Variants in USP24 observed in about 807,000 individuals in gnomAD.
USP24 encodes the protein ubiquitin carboxyl-terminal hydrolase 24.
In USP24, 97 loss-of-function variants were observed where a neutral mutation model predicts 361.6. The ratio of observed to expected loss-of-function variants is 0.27; its 90% CI spans 0.23 to 0.32. The LOEUF is 0.32. USP24 is among the 10% of genes least tolerant of loss of function. The pLI, the probability that USP24 is intolerant of heterozygous loss-of-function variation, is 1.00. For missense variants in USP24, 2,353 were observed against 3,165.6 expected, an observed-to-expected ratio of 0.74 and a Z score of 6.16; for synonymous variants, 1,098 against 1,124.6, an observed-to-expected ratio of 0.98 and a Z score of 0.47.
intron 1 of USP24, among the ~76,000 whole-genome samples, chr1:55,209,522 T>C (rs1644799595): frequency 1.3e-5 from 2 of 152,224 alleles, no homozygotes; most frequent in South Asian, 2.1e-4. Flanking sequence ...CTTCTCACTA[T>C]TGTCAAATGA....
At position 55,152,814 on chromosome 1, in the gene USP24, A is replaced by G. The variant is rs371964631; in HGVS notation, c.1860+1056T>C. ...GGTCACATTTCAGTGTCAGAAATAT[A>G]AAACACAAAGTTCTTCAATGCCCCC... is the stretch of plus-strand genomic sequence containing the variant. On this transcript the variant is annotated intron_variant, in intron 16 of 67. Coordinates refer to ENST00000294383, the MANE Select transcript of USP24 (RefSeq NM_015306.3). Among the ~76,000 whole-genome samples, 58 of 152,310 alleles carry G rather than the reference A, an allele frequency of 3.8e-4. No homozygotes were observed. The South Asian group carries it at 0.012, about 31-fold the overall frequency.
At chr1:55,071,087 C>A in intron 67 of USP24, 1 of 965,632 alleles carries the variant, frequency 1.0e-6, no homozygotes, top group South Asian at 4.8e-5. Flanking sequence ...ACAGCTGCCT[C>A]ACATAGTGCT....
At chr1:55,191,786 G>C (rs1315108236) in intron 1 of USP24, among the ~76,000 whole-genome samples, 1 of 152,056 alleles carries the variant, frequency 6.6e-6, no homozygotes, top group African/African-American at 2.4e-5. Flanking sequence ...CACCCTGCCT[G>C]GCCTGGCACT....
At chr1:55,108,838 G>C (rs1557572033) in intron 39 of USP24, among the ~76,000 whole-genome samples, 1 of 152,208 alleles carries the variant, frequency 6.6e-6, no homozygotes, top group Non-Finnish European at 1.5e-5. Flanking sequence ...GAAAACCAGT[G>C]TTATGTGAGA....
Position 55,144,270 on chromosome 1 carries a change from C to A in USP24, c.2363-67G>T, listed in dbSNP as rs990144873. The A allele has an allele frequency of 2.3e-5, 24 of 1,057,328 alleles. No homozygotes were observed. In the East Asian group the frequency reaches 6.5e-4, roughly 29 times the overall value. 65.5% of individuals were successfully genotyped at this position (1,057,328 alleles called of 1,614,324 possible). ...AACACAGATAATCAATGAAAAGACT[C>A]AAAGTGGATCAAGAACTAAAACCAT... is the stretch of plus-strand genomic sequence containing the variant. On this transcript the variant is annotated intron_variant, in intron 20 of 67. Transcript: ENST00000294383.
intron 1 of USP24, among the ~76,000 whole-genome samples, chr1:55,189,382 T>C (rs1041974924): frequency 2.0e-5 from 3 of 152,164 alleles, no homozygotes; most frequent in Non-Finnish European, 4.4e-5. Context: ...TGAATGAACA[T>C]AGTGAGTTGA....
chr1:55,147,036 G>C lies in USP24; in HGVS notation c.2143C>G (p.Leu715Val). ...REYLEAHLKF[L>V]AFFLQEATLY... The stretch of plus-strand genomic sequence containing the variant: ...GTAGCTTCTTGCAAGAAAAACGCTA[G>C]AAATTTTAGATGTGCCTCTAAATAC... The change falls in exon 19 of 68, where the codon CTA (leucine) becomes GTA (valine). Residue 715 changes from leucine (L) to valine (V), a missense_variant. Transcript: ENST00000294383. 1.3e-6 allele frequency: 2 copies of C among 1,592,082 alleles called. No individual in the cohort carries two copies. Among genetic ancestry groups the C allele is most frequent in the Non-Finnish European group, 1.7e-6 (2 of 1,171,954 alleles).
chr1:55,211,654 A>C (rs1033377580), intron 1 of USP24, among the ~76,000 whole-genome samples: 3 of 152,220 alleles, frequency 2.0e-5, no homozygotes, highest in Admixed American at 6.5e-5. Context: ...TTGTAAAATG[A>C]GAGGCTTGGA....
At position 55,124,554 on chromosome 1, in the gene USP24, C is replaced by G. The variant is rs1285144155; in HGVS notation, c.4035G>C (p.Arg1345=). 6.2e-7 allele frequency: 1 copy of G among 1,613,904 alleles called. No homozygotes were observed. Among genetic ancestry groups the G allele is most frequent in the Non-Finnish European group, 8.5e-7 (1 of 1,179,860 alleles). Reference sequence around the variant, plus strand: ...GCTGGCTACTCCCAACAAGATCAAGCCGTCCTGCAGCCGCAGCCCATGACA... The same window carrying G: ...GCTGGCTACTCCCAACAAGATCAAGGCGTCCTGCAGCCGCAGCCCATGACA... ...MRLSWAAAAG[R]LDLVGSSQPI... Residue 1345 remains arginine, a synonymous_variant, in exon 35 of 68, where the codon CGG becomes CGC. Coordinates refer to ENST00000294383, the MANE Select transcript of USP24 (RefSeq NM_015306.3).
At chr1:55,100,032 C>T (rs1000190687) in intron 44 of USP24, among the ~76,000 whole-genome samples, 163 bp from the exon 45 acceptor site, 2 of 152,164 alleles carry the variant, frequency 1.3e-5, no homozygotes, top group African/African-American at 4.8e-5. Flanking sequence ...AGCCATCCAC[C>T]CTTTTTTCTA....
chr1:55,188,377 C>A (rs899216114), intron 1 of USP24, among the ~76,000 whole-genome samples: 3 of 151,376 alleles, frequency 2.0e-5, no homozygotes, highest in African/African-American at 7.3e-5. Flanking sequence ...AATTTTTGTG[C>A]ATCAAAAGTC....
chr1:55,160,636 A>G (rs1030822709), intron 8 of USP24, among the ~76,000 whole-genome samples: 10 of 152,224 alleles, frequency 6.6e-5, no homozygotes, highest in African/African-American at 2.4e-4. Flanking sequence ...CATAATTAAA[A>G]TAAAGATGAA....
intron 26 of USP24, 146 bp from the exon 27 acceptor site, chr1:55,138,050 G>T: frequency 1.4e-6 from 1 of 726,384 alleles, no homozygotes; most frequent in Non-Finnish European, 2.2e-6. Context: ...CCCTGCCCTC[G>T]TGAGGCTTCC....
At chr1:55,194,654 T>C (rs951997976) in intron 1 of USP24, among the ~76,000 whole-genome samples, 2 of 152,040 alleles carry the variant, frequency 1.3e-5, no homozygotes, top group Admixed American at 1.3e-4. Flanking sequence ...AGGCTTCAGA[T>C]GAATCTTTCT....
chr1:55,153,838 C>T (rs1647347153), intron 16 of USP24, 32 bp downstream of exon 16: 1 of 1,538,020 alleles, frequency 6.5e-7, no homozygotes, highest in African/African-American at 1.4e-5. Flanking sequence ...AACTAGTATA[C>T]CTTTTAGTTG....
chr1:55,120,497 T>C, intron 38 of USP24, 99 bp downstream of exon 38: 1 of 1,313,834 alleles, frequency 7.6e-7, no homozygotes, highest in East Asian at 2.7e-5. Context: ...GAAATTCTAG[T>C]CATCTCAATA....
chr1:55,191,265 G>C (rs149166185), intron 1 of USP24, among the ~76,000 whole-genome samples: 1 of 152,040 alleles, frequency 6.6e-6, no homozygotes, highest in East Asian at 1.9e-4. Context: ...AACATTGTTG[G>C]ATACATACTC....
chr1:55,151,173 C>G (rs1423666124), intron 16 of USP24, among the ~76,000 whole-genome samples: 1 of 86,770 alleles, frequency 1.2e-5, no homozygotes, highest in African/African-American at 2.7e-5. Context: ...TAACAATGCT[C>G]TAAGTATTTA....
rs552883934 is a variant in USP24, at chr1:55,088,417, A to C, written c.6668+1210T>G. Among the ~76,000 whole-genome samples, 4 of 152,330 alleles carry C rather than the reference A, an allele frequency of 2.6e-5. No individual in the cohort carries two copies. In the South Asian group the frequency reaches 8.3e-4, roughly 32 times the overall value. On this transcript the variant is annotated intron_variant, in intron 55 of 67. Coordinates refer to ENST00000294383, the MANE Select transcript of USP24 (RefSeq NM_015306.3). ...AGTGACAGAAGTGATAGAAAATTCT[A>C]GAAAGTAAAGATGCAGGAATTAAGA...
Sources: gnomAD v4.1 joint callset for allele counts (sites outside exome capture counted in the v4.1 genomes callset) on GRCh38, gnomAD v4.1.1 for gene constraint, MANE v1.5 for transcripts, NCBI Gene and HGNC (gene_info 2026-07-23, HGNC 2026-07-21) for gene names.